GPR19: variants seen among roughly 807,000 people sequenced by gnomAD.
The protein encoded by GPR19 is probable G protein-coupled receptor 19.
A neutral mutation model predicts 28.5 loss-of-function variants in GPR19; 14 were observed. The observed-to-expected ratio is 0.49, with a 90% CI of 0.32 to 0.77. The LOEUF is 0.77. Ranked by LOEUF, GPR19 falls within the 30% of genes least tolerant of loss-of-function variation. The pLI, the probability that GPR19 is intolerant of heterozygous loss-of-function variation, is 0.03. For missense variants in GPR19, 409 were observed against 504.1 expected, an observed-to-expected ratio of 0.81 and a Z score of 1.81; for synonymous variants, 173 against 184.1, an observed-to-expected ratio of 0.94 and a Z score of 0.49.
At chr12:12,707,139 AT>A in the GPR19 span, among the ~76,000 whole-genome samples, 1 of 152,274 alleles carries the variant, frequency 6.6e-6, no homozygotes, top group South Asian at 2.1e-4. Context: ...TCCCAGACAC[AT>A]TCCTACCTCA....
chr12:12,709,488 T>G, the GPR19 span, among the ~76,000 whole-genome samples: 3 of 152,360 alleles, frequency 2.0e-5, no homozygotes, highest in East Asian at 5.8e-4. Context: ...TTGCCCAAGC[T>G]GGAGTGCAGT....
At chr12:12,701,362 C>T in the GPR19 span, among the ~76,000 whole-genome samples, 1 of 152,126 alleles carries the variant, frequency 6.6e-6, no homozygotes, top group Non-Finnish European at 1.5e-5. Flanking sequence ...AATGTAATTT[C>T]TGAATTATAT....
At chr12:12,699,296 C>T (rs897690069), upstream of GPR19, among the ~76,000 whole-genome samples, 2 of 151,784 alleles carry the variant, frequency 1.3e-5, no homozygotes, top group African/African-American at 4.8e-5. Context: ...GAGCCGAGAT[C>T]GTGCCACAGC....
chr12:12,682,723 G>A (rs1946040346), intron 3 of GPR19, among the ~76,000 whole-genome samples: 1 of 152,102 alleles, frequency 6.6e-6, no homozygotes, highest in South Asian at 2.1e-4. Context: ...AAGGGAACTG[G>A]TAACTTTTCT....
intron 3 of GPR19, among the ~76,000 whole-genome samples, chr12:12,671,296 A>C: frequency 9.9e-6 from 1 of 100,696 alleles, no homozygotes; most frequent in Non-Finnish European, 2.2e-5. Flanking sequence ...ACACAGTGAG[A>C]CTCCCTCTCA....
intron 3 of GPR19, among the ~76,000 whole-genome samples, chr12:12,668,012 G>T (rs1431394591): frequency 2.6e-5 from 4 of 152,142 alleles, no homozygotes; most frequent in Non-Finnish European, 5.9e-5. Context: ...TCTTAAATGG[G>T]CCTCTCTCTC....
intron 2 of GPR19, among the ~76,000 whole-genome samples, chr12:12,693,425 G>A (rs1299040677): frequency 6.6e-6 from 1 of 152,142 alleles, no homozygotes; most frequent in East Asian, 1.9e-4. Context: ...ACCCACTACT[G>A]CCATCAGCCC....
chr12:12,697,868 A>G (rs1020577657), upstream of GPR19, among the ~76,000 whole-genome samples: 7 of 152,156 alleles, frequency 4.6e-5, no homozygotes, highest in Non-Finnish European at 8.8e-5. Flanking sequence ...ATTCCGCTCC[A>G]TTATCTAGAG....
At chr12:12,707,556 G>A in the GPR19 span, among the ~76,000 whole-genome samples, 1 of 152,188 alleles carries the variant, frequency 6.6e-6, no homozygotes, top group East Asian at 1.9e-4. Flanking sequence ...CAGCAAGTGG[G>A]TAGGTTCCAG....
intron 1 of GPR19, 101 bp from the exon 2 acceptor site, chr12:12,695,612 C>T (rs1946250085): frequency 6.6e-6 from 1 of 152,272 alleles, no homozygotes; most frequent in Admixed American, 6.5e-5. Flanking sequence ...CCACCTCGGC[C>T]TGTGTTCAGG....
intron 2 of GPR19, among the ~76,000 whole-genome samples, chr12:12,687,189 T>A (rs1395680015): frequency 6.6e-6 from 1 of 152,176 alleles, no homozygotes. Flanking sequence ...ACTGTTTAGA[T>A]GTTACAAAAG....
intron 3 of GPR19, among the ~76,000 whole-genome samples, chr12:12,664,936 A>AAAT (rs1945743947): frequency 1.3e-5 from 2 of 148,166 alleles, no homozygotes; most frequent in African/African-American, 4.9e-5. Context: ...AAAAAAAAAA[A>AAAT]AAAAAAAAAA....
chr12:12,664,752 C>G (rs1219691578), intron 3 of GPR19, among the ~76,000 whole-genome samples: 1 of 151,618 alleles, frequency 6.6e-6, no homozygotes, highest in East Asian at 1.9e-4. Context: ...AACCCCGTCT[C>G]TACTAAAAAT....
intron 2 of GPR19, among the ~76,000 whole-genome samples, chr12:12,690,771 C>T (rs1344772082): frequency 6.6e-6 from 1 of 152,098 alleles, no homozygotes; most frequent in Non-Finnish European, 1.5e-5. Flanking sequence ...TCTGTTTGAC[C>T]CAGCCTAACT....
the GPR19 span, chr12:12,703,246 C>T: frequency 9.8e-5 from 27 of 275,488 alleles, no homozygotes; most frequent in Non-Finnish European, 1.3e-4. Context: ...TTATATTGGA[C>T]GTGGAAAGGA....
At chr12:12,682,592 G>A (rs1187167118) in intron 3 of GPR19, among the ~76,000 whole-genome samples, 1 of 152,170 alleles carries the variant, frequency 6.6e-6, no homozygotes, top group Non-Finnish European at 1.5e-5. Context: ...TAGCATCAAA[G>A]TGTTACTTGT....
chr12:12,669,714 T>G (rs942143686), intron 3 of GPR19, among the ~76,000 whole-genome samples: 1 of 152,196 alleles, frequency 6.6e-6, no homozygotes, highest in Non-Finnish European at 1.5e-5. Flanking sequence ...AGCCAGTTGT[T>G]AAACATTTAC....
the GPR19 span, among the ~76,000 whole-genome samples, chr12:12,713,914 CTTA>C: frequency 2.6e-5 from 4 of 152,208 alleles, no homozygotes; most frequent in South Asian, 8.3e-4. Context: ...TCCCTCTCCG[CTTA>C]TTGTTTCTCC....
At chr12:12,688,105 G>T (rs1010781112) in intron 2 of GPR19, among the ~76,000 whole-genome samples, 3 of 152,198 alleles carry the variant, frequency 2.0e-5, no homozygotes, top group African/African-American at 7.2e-5. Flanking sequence ...ATGAAAAGTT[G>T]TTGAACGGGT....
Sources: allele counts gnomAD v4.1 joint callset (sites outside exome capture counted in the v4.1 genomes callset), GRCh38; gene constraint gnomAD v4.1.1; transcripts MANE v1.5; gene names NCBI Gene and HGNC (gene_info 2026-07-23, HGNC 2026-07-21).